The following ANO7 variants were observed in gnomAD, a reference collection of about 807,000 sequenced individuals.
ANO7 encodes anoctamin 7, also known as anoctamin-7.
In ANO7, 114 loss-of-function variants were observed where a neutral mutation model predicts 115.8. That is an observed-to-expected ratio of 0.98 (90% CI 0.85 to 1.15). The LOEUF (loss-of-function observed/expected upper bound fraction) is 1.15. ANO7 is among the 50% of genes most tolerant of loss of function. The pLI, the probability that ANO7 is intolerant of heterozygous loss-of-function variation, is 0.00. For missense variants in ANO7, 1,302 were observed against 1,201.2 expected, an observed-to-expected ratio of 1.08 and a Z score of -1.24; for synonymous variants, 550 against 498.2, an observed-to-expected ratio of 1.10 and a Z score of -1.38.
intron 10 of ANO7, among the ~76,000 whole-genome samples, 186 bp downstream of exon 10, chr2:241,205,141 TG>T (rs1438206966): frequency 6.6e-6 from 1 of 151,840 alleles, no homozygotes; most frequent in Non-Finnish European, 1.5e-5. Context: ...GCTGAAAGGC[TG>T]GCAGGTGGAC....
At chr2:241,216,900 C>A (rs1458511472) in intron 19 of ANO7, among the ~76,000 whole-genome samples, 33 of 152,242 alleles carry the variant, frequency 2.2e-4, no homozygotes, top group Non-Finnish European at 4.7e-4. Context: ...GTGGCGCCAT[C>A]TCGGCTCACT....
chr2:241,235,361 A>T, the ANO7 span: 1 of 1,544,122 alleles, frequency 6.5e-7, no homozygotes, highest in Non-Finnish European at 8.9e-7. Context: ...ACCCGCCGTG[A>T]AGGGAAGTCA....
At chr2:241,235,196 G>A in the ANO7 span, 93 of 1,614,200 alleles carry the variant, frequency 5.8e-5, no homozygotes, top group African/African-American at 9.3e-4. Context: ...AATTTGCAGC[G>A]AGGCCCGTGA....
the ANO7 span, chr2:241,231,372 A>G: frequency 6.6e-6 from 1 of 151,028 alleles, no homozygotes; most frequent in Non-Finnish European, 1.5e-5. Flanking sequence ...CAACAGAGCA[A>G]AACTCCATCT....
Position 241,209,351 on chromosome 2 carries a change from C to A in ANO7, c.1144C>A (p.Leu382Met). 1.3e-6 allele frequency: 2 copies of A among 1,579,222 alleles called. No homozygotes were observed. The highest frequency in any genetic ancestry group is 1.7e-6 in the Non-Finnish European group (2 of 1,163,140). Residue 382 changes from leucine (L) to methionine (M), a missense_variant, in exon 12 of 25, where the codon CTG (leucine) becomes ATG (methionine). By Grantham distance (15) the Leu-to-Met change is conservative. Transcript: ENST00000674324. ...FSLFMALWAVLLLEYWKRKSA... is the reference protein window; with the variant it reads ...FSLFMALWAVMLLEYWKRKSA... ...CTTGTTCATGGCACTGTGGGCCGTG[C>A]TGCTGCTGGAGTACTGGAAGCGGAA...
At chr2:241,197,267 T>A (rs1432269137) in intron 4 of ANO7, among the ~76,000 whole-genome samples, 1 of 152,072 alleles carries the variant, frequency 6.6e-6, no homozygotes, top group African/African-American at 2.4e-5. Context: ...GCCCAGCCAA[T>A]TTTTGTATTT....
chr2:241,235,554 T>C, the ANO7 span: 13 of 1,613,958 alleles, frequency 8.1e-6, no homozygotes, highest in Non-Finnish European at 9.3e-6. Context: ...ACGGTGAAGG[T>C]CAAAGGGCAC....
intron 4 of ANO7, among the ~76,000 whole-genome samples, chr2:241,198,825 C>T (rs2068401253): frequency 6.6e-6 from 1 of 152,240 alleles, no homozygotes; most frequent in Non-Finnish European, 1.5e-5. Flanking sequence ...CACACATGTG[C>T]ACATGTGAAC....
At position 241,190,037 on chromosome 2, in the gene ANO7, C is replaced by A. The variant is rs763725932; in HGVS notation, c.-7-20C>A. 18 of 1,552,112 alleles carry A rather than the reference C, an allele frequency of 1.2e-5. 1 individual carries two copies. The highest frequency in any genetic ancestry group is 7.1e-5 in the South Asian group (6 of 84,176). ...ATCCCCTCTCTGACCCCCATCCCCA[C>A]CCGGCCTTGCTGGGTGCAGGAGCAG... On this transcript the variant is annotated intron_variant, in intron 1 of 24. Transcript: ENST00000674324.
intron 17 of ANO7, among the ~76,000 whole-genome samples, chr2:241,214,183 G>A (rs1245754677): frequency 1.3e-5 from 2 of 152,212 alleles, no homozygotes. Context: ...TACTCGGGAG[G>A]CTGAGGCAGA....
intron 17 of ANO7, among the ~76,000 whole-genome samples, chr2:241,213,091 G>C (rs899244175): frequency 6.6e-6 from 1 of 152,250 alleles, no homozygotes; most frequent in Non-Finnish European, 1.5e-5. Flanking sequence ...TACGGTGGGC[G>C]CAGAGCCTCT....
At chr2:241,192,600 G>A (rs572902278) in intron 3 of ANO7, among the ~76,000 whole-genome samples, 1 of 152,258 alleles carries the variant, frequency 6.6e-6, no homozygotes, top group South Asian at 2.1e-4. Flanking sequence ...TCATTCTGAG[G>A]ACTGTGGGGT....
chr2:241,219,932 C>T (rs921655500), intron 21 of ANO7, among the ~76,000 whole-genome samples: 1 of 152,140 alleles, frequency 6.6e-6, no homozygotes, highest in Non-Finnish European at 1.5e-5. Context: ...AGTTTTGTTT[C>T]CTCTCTCTGT....
In ANO7 at chr2:241,188,775, C is replaced by G. The variant is rs369595388; in HGVS notation, c.-8+9C>G. 32 of 1,611,950 alleles carry G rather than the reference C, an allele frequency of 2.0e-5. No individual in the cohort carries two copies. Among genetic ancestry groups the G allele is most frequent in the Admixed American group, 1.7e-4 (10 of 59,824 alleles). On this transcript the variant is annotated intron_variant, in intron 1 of 24. Transcript: ENST00000674324. The surrounding 1 kb of genome is among the most constrained non-coding windows in gnomAD (Gnocchi z 4.3). ...GGAAGCCACTGTGCCAGGTGGGGAC[C>G]CAGCCTAGACGTGTGGGCCACAGGG...
chr2:241,230,021 G>A (rs536604188), downstream of ANO7: 1,842 of 1,574,514 alleles, frequency 1.2e-3, 1 homozygote, highest in Non-Finnish European at 1.5e-3. This position sits in a 1 kb window ranked among gnomAD's most constrained non-coding sequence, Gnocchi z 5.0. Flanking sequence ...CATCCCGCCC[G>A]CCTGCTCACC....
At position 241,207,485 on chromosome 2, in the gene ANO7, A is replaced by G. The variant is rs374478132; in HGVS notation, c.981-89A>G. 2.5e-5 allele frequency: 25 copies of G among 989,278 alleles called. No individual in the cohort carries two copies. The African/African-American group carries it at 3.5e-4, about 14-fold the overall frequency. The allele number at this position is 989,278 out of a possible 1,614,324, so 61.3% of individuals were successfully genotyped here. A position where few individuals can be genotyped will look rare whatever the true frequency, so the allele number is the denominator to read the frequency against. On this transcript the variant is annotated intron_variant, in intron 10 of 24. Transcript: ENST00000674324. Reference sequence around the variant, plus strand: ...CAGTGGTGGACAGAGAGGACAAGGGAGAGAGAGGACAAGGGAGGCGCCTGG... The same window carrying G: ...CAGTGGTGGACAGAGAGGACAAGGGGGAGAGAGGACAAGGGAGGCGCCTGG...
At chr2:241,213,355 T>TGTATCTCTAAGAGCCTTAGCTACTCC (rs2068758640) in intron 17 of ANO7, among the ~76,000 whole-genome samples, 1 of 152,258 alleles carries the variant, frequency 6.6e-6, no homozygotes, top group African/African-American at 2.4e-5. Flanking sequence ...TGCCTGTGAC[T>TGTATCTCTAAGAGCCTTAGCTACTCC]GTATCTCTAA....
At chr2:241,212,032 G>C (rs971215081) in intron 15 of ANO7, 62 bp from the exon 16 acceptor site, 1 of 1,362,844 alleles carries the variant, frequency 7.3e-7, no homozygotes, top group African/African-American at 1.4e-5. Context: ...CTAGGAGAGG[G>C]GGCCCCTAGT....
intron 13 of ANO7, 35 bp downstream of exon 13, chr2:241,209,670 A>C (rs764831205): frequency 6.6e-7 from 1 of 1,508,960 alleles, no homozygotes; most frequent in Admixed American, 2.2e-5. Flanking sequence ...TCACGCCTCC[A>C]TCCTCCTGCA....
Sources: gnomAD v4.1 joint callset for allele counts (sites outside exome capture counted in the v4.1 genomes callset) on GRCh38, gnomAD v4.1.1 for gene constraint, Gnocchi (gnomAD v3.1) non-coding constraint, MANE v1.5 for transcripts, NCBI Gene and HGNC (gene_info 2026-07-23, HGNC 2026-07-21) for gene names.